Variants in SORCS2 observed in about 807,000 individuals in gnomAD.
SORCS2 encodes VPS10 domain-containing receptor SorCS2.
A neutral mutation model predicts 141.6 loss-of-function variants in SORCS2; 100 were observed. That is an observed-to-expected ratio of 0.71 (90% confidence interval 0.60 to 0.83). The LOEUF is 0.83. SORCS2 is among the 40% of genes least tolerant of loss of function. The pLI, the probability that SORCS2 is intolerant of heterozygous loss-of-function variation, is 0.00. For missense variants in SORCS2, 1,646 were observed against 1,560.2 expected (o/e 1.05, Z -0.93); for synonymous variants, 789 against 676.9 (o/e 1.17, Z -2.57).
At chr4:7,537,699 A>C (rs981118285) in intron 3 of SORCS2, among the ~76,000 whole-genome samples, 1 of 152,190 alleles carries the variant, frequency 6.6e-6, no homozygotes, top group Admixed American at 6.5e-5. Context: ...CTCTGCTGCA[A>C]GTTTATAGAA....
chr4:7,683,763 G>T (rs142647131), intron 10 of SORCS2, among the ~76,000 whole-genome samples: 21 of 152,286 alleles, frequency 1.4e-4, no homozygotes, highest in Non-Finnish European at 2.4e-4. Context: ...CCCCAAAGCT[G>T]GTCCACTATC....
At chr4:7,693,014 G>A (rs773578313) in intron 11 of SORCS2, among the ~76,000 whole-genome samples, 32 of 152,292 alleles carry the variant, frequency 2.1e-4, no homozygotes, top group Non-Finnish European at 2.9e-4. Flanking sequence ...TTAACCCCCC[G>A]GTGGAGAATC....
intron 1 of SORCS2, among the ~76,000 whole-genome samples, chr4:7,296,182 C>T (rs1231048877): frequency 6.6e-6 from 1 of 152,198 alleles, no homozygotes; most frequent in Non-Finnish European, 1.5e-5. Flanking sequence ...TGGGGTGCTC[C>T]CTCTGGGGTG....
At chr4:7,536,865 G>A (rs1385234224) in intron 3 of SORCS2, among the ~76,000 whole-genome samples, 1 of 151,210 alleles carries the variant, frequency 6.6e-6, no homozygotes, top group Non-Finnish European at 1.5e-5. Context: ...CCACCTCGAG[G>A]TCACCATTTG....
intron 2 of SORCS2, among the ~76,000 whole-genome samples, chr4:7,423,556 T>G (rs4359900): frequency 0.71 from 108,090 of 152,068 alleles, 38,650 homozygotes; most frequent in Middle Eastern, 0.81. Context: ...CTGGTGTTAC[T>G]GGTGTGCACC....
intron 25 of SORCS2, among the ~76,000 whole-genome samples, 181 bp from the exon 26 acceptor site, chr4:7,736,888 G>A (rs140560974): frequency 1.4e-4 from 22 of 152,338 alleles, no homozygotes; most frequent in Middle Eastern, 3.4e-3. Flanking sequence ...GCTTCCTGGA[G>A]GAAGTGGCTT....
intron 11 of SORCS2, among the ~76,000 whole-genome samples, chr4:7,694,436 T>C (rs772360533): frequency 2.0e-5 from 3 of 151,644 alleles, no homozygotes; most frequent in Non-Finnish European, 4.4e-5. Context: ...CCGAGACTGT[T>C]AGGTGACAGG....
chr4:7,639,970 TGA>T (rs765722063), intron 4 of SORCS2, among the ~76,000 whole-genome samples: 7 of 151,144 alleles, frequency 4.6e-5, no homozygotes, highest in Non-Finnish European at 7.4e-5. Context: ...GGTGTGAATC[TGA>T]GTGTAGATGT....
At chr4:7,484,456 C>A (rs913573505) in intron 2 of SORCS2, among the ~76,000 whole-genome samples, 1 of 152,078 alleles carries the variant, frequency 6.6e-6, no homozygotes, top group Non-Finnish European at 1.5e-5. Flanking sequence ...GTGGTGTTGC[C>A]GTGGGAAGGA....
At chr4:7,638,723 G>A (rs1396648999) in intron 4 of SORCS2, among the ~76,000 whole-genome samples, 4 of 152,198 alleles carry the variant, frequency 2.6e-5, no homozygotes, top group South Asian at 2.1e-4. Flanking sequence ...GCGAGGTGGT[G>A]GTGGGCAGTG....
chr4:7,401,172 T>A (rs1724565861), intron 2 of SORCS2, among the ~76,000 whole-genome samples: 1 of 151,238 alleles, frequency 6.6e-6, no homozygotes, highest in Non-Finnish European at 1.5e-5. Context: ...GATGAGTGGA[T>A]TGATGGATGG....
intron 5 of SORCS2, among the ~76,000 whole-genome samples, chr4:7,659,513 G>GTGAA (rs113175906): frequency 0.017 from 2,536 of 152,326 alleles, 76 homozygotes; most frequent in African/African-American, 0.057. Flanking sequence ...GAATGGATGG[G>GTGAA]TGGATGTCCC....
intron 2 of SORCS2, among the ~76,000 whole-genome samples, chr4:7,421,179 G>A (rs528741366): frequency 2.0e-5 from 3 of 152,212 alleles, no homozygotes; most frequent in Non-Finnish European, 2.9e-5. Flanking sequence ...CCCCAGGGAA[G>A]GCACTGGGCT....
At position 7,192,838 on chromosome 4, in the gene SORCS2, G is replaced by T; in HGVS notation, c.192G>T (p.Leu64=). Residue 64 remains leucine (L), a synonymous_variant, in exon 1 of 27, where the codon CTG becomes CTT. Coordinates refer to ENST00000507866, the MANE Select transcript of SORCS2 (RefSeq NM_020777.3). This position sits in a 1 kb window ranked among gnomAD's most constrained non-coding sequence, Gnocchi z 4.0. The stretch of plus-strand genomic sequence containing the variant: ...GGCGCCTGGGTCCTCACGCCCAACT[G>T]ACCCGGGTGCCGCGGAGCCCTCCCG... ...EPGRLGPHAQ[L]TRVPRSPPAG... is the part of the protein sequence containing the mutation. The T allele has an allele frequency of 9.6e-7, 1 of 1,041,988 alleles. No individual in the cohort carries two copies. Among genetic ancestry groups the T allele is most frequent in the South Asian group, 4.4e-5 (1 of 22,726 alleles). The allele number at this position is 1,041,988 out of a possible 1,614,324, so 64.5% of individuals were successfully genotyped here.
At chr4:7,424,838 G>T (rs186830721) in intron 2 of SORCS2, among the ~76,000 whole-genome samples, 1 of 152,230 alleles carries the variant, frequency 6.6e-6, no homozygotes, top group African/African-American at 2.4e-5. Context: ...GTGAGTGCGT[G>T]TTGGGGCCTG....
chr4:7,231,006 A>G (rs1208199630), intron 1 of SORCS2, among the ~76,000 whole-genome samples: 7 of 152,188 alleles, frequency 4.6e-5, no homozygotes, highest in African/African-American at 7.2e-5. Context: ...ATCTATATCC[A>G]TATCCATATC....
intron 1 of SORCS2, among the ~76,000 whole-genome samples, chr4:7,298,167 G>A (rs955982764): frequency 5.9e-5 from 9 of 152,198 alleles, no homozygotes; most frequent in Admixed American, 1.3e-4. Context: ...GAGGCTGTGT[G>A]CACCGCAGGC....
chr4:7,341,838 C>G (rs1163870306), intron 1 of SORCS2, among the ~76,000 whole-genome samples: 1 of 152,214 alleles, frequency 6.6e-6, no homozygotes, highest in East Asian at 1.9e-4. Context: ...ACTCCAGACC[C>G]ATTAGGCACT....
At chr4:7,391,649 G>A (rs780275554) in intron 1 of SORCS2, among the ~76,000 whole-genome samples, 8 of 152,220 alleles carry the variant, frequency 5.3e-5, no homozygotes, top group East Asian at 1.9e-4. Flanking sequence ...GGAATAAAGC[G>A]AGAGTCAGTG....
Sources: allele counts gnomAD v4.1 joint callset (sites outside exome capture counted in the v4.1 genomes callset), GRCh38; gene constraint gnomAD v4.1.1; non-coding constraint Gnocchi (gnomAD v3.1); transcripts MANE v1.5; gene names NCBI Gene and HGNC (gene_info 2026-07-23, HGNC 2026-07-21).